Variants in LAMA1 observed in about 807,000 individuals in gnomAD.
The protein encoded by LAMA1 is laminin subunit alpha 1.
LAMA1 carries 219 observed loss-of-function variants against 348.7 expected under a neutral mutation model. The ratio of observed to expected loss-of-function variants is 0.63; its 90% CI spans 0.56 to 0.70. The LOEUF (loss-of-function observed/expected upper bound fraction) is 0.70, where lower values mean the gene tolerates loss of function less well. LAMA1 is among the 30% of genes least tolerant of loss of function. The probability of loss-of-function intolerance (pLI) is 0.00; values close to 1 mark genes in which losing one functional copy is unlikely to be tolerated. For synonymous variants in LAMA1, 1,487 were observed against 1,491.0 expected, an observed-to-expected ratio of 1.00 and a Z score of 0.06; for missense variants, 3,744 against 3,888.0, an observed-to-expected ratio of 0.96 and a Z score of 0.99.
At chr18:7,116,276 C>T (rs975391881) in intron 1 of LAMA1, among the ~76,000 whole-genome samples, 1 of 152,252 alleles carries the variant, frequency 6.6e-6, no homozygotes. Context: ...TCTTTCTCTA[C>T]CCTGTGGGAA....
intron 1 of LAMA1, among the ~76,000 whole-genome samples, chr18:7,096,770 A>C (rs1378994533): frequency 6.6e-6 from 1 of 152,230 alleles, no homozygotes; most frequent in Non-Finnish European, 1.5e-5. Flanking sequence ...ACCCAAAAAA[A>C]TTATGTAAGT....
chr18:6,963,699 G>A (rs2057619260), intron 51 of LAMA1, among the ~76,000 whole-genome samples: 1 of 152,150 alleles, frequency 6.6e-6, no homozygotes, highest in South Asian at 2.1e-4. Flanking sequence ...GACATCTAAT[G>A]ACCCCACTCC....
chr18:7,059,315 C>A (rs1051580774), intron 3 of LAMA1, among the ~76,000 whole-genome samples: 5 of 152,176 alleles, frequency 3.3e-5, no homozygotes, highest in Admixed American at 2.0e-4. Flanking sequence ...ATTGATGATG[C>A]AGGGGTTCTC....
At chr18:7,032,942 G>T in intron 15 of LAMA1, 42 bp downstream of exon 15, 3 of 1,441,038 alleles carry the variant, frequency 2.1e-6, no homozygotes, top group Non-Finnish European at 2.9e-6. Flanking sequence ...TTTCCCCTTA[G>T]GAAGGAACGA....
chr18:7,095,555 C>T (rs996861923), intron 1 of LAMA1, among the ~76,000 whole-genome samples: 1 of 152,196 alleles, frequency 6.6e-6, no homozygotes, highest in Non-Finnish European at 1.5e-5. Context: ...GTTTAAGGGC[C>T]TCATTGGTTT....
intron 8 of LAMA1, 80 bp from the exon 9 acceptor site, chr18:7,042,330 G>T: frequency 1.2e-6 from 1 of 843,150 alleles, no homozygotes; most frequent in Non-Finnish European, 2.0e-6. Flanking sequence ...GAAGGTATTG[G>T]CTTTTTACTC....
chr18:6,985,838 A>G, intron 37 of LAMA1, among the ~76,000 whole-genome samples, 195 bp from the exon 38 acceptor site: 1 of 152,138 alleles, frequency 6.6e-6, no homozygotes, highest in Admixed American at 6.5e-5. Context: ...GGCTCACTAC[A>G]ACCTCCATCT....
chr18:7,018,487 T>TCC (rs2057899958), intron 19 of LAMA1, among the ~76,000 whole-genome samples: 1 of 150,414 alleles, frequency 6.6e-6, no homozygotes, highest in Non-Finnish European at 1.5e-5. Context: ...GCTCCGCCTT[T>TCC]CGGGTTCATG....
chr18:6,984,971 ATG>A (rs2057727667), intron 39 of LAMA1, among the ~76,000 whole-genome samples: 1 of 152,194 alleles, frequency 6.6e-6, no homozygotes. Context: ...GTAGCATAAT[ATG>A]TGTTTTATTA....
At chr18:6,996,034 TA>T (rs1259250345) in intron 33 of LAMA1, among the ~76,000 whole-genome samples, 1 of 152,176 alleles carries the variant, frequency 6.6e-6, no homozygotes, top group Non-Finnish European at 1.5e-5. Context: ...ATATTTGTCT[TA>T]TTTGATATAT....
At chr18:7,112,641 ATT>A (rs34638671) in intron 1 of LAMA1, among the ~76,000 whole-genome samples, 16,633 of 144,958 alleles carry the variant, frequency 0.11, 2,408 homozygotes, top group African/African-American at 0.35. Flanking sequence ...ATATATATAC[ATT>A]TTTTTTTTTT....
At chr18:7,036,212 G>A in intron 12 of LAMA1, 124 bp from the exon 13 acceptor site, 1 of 728,220 alleles carries the variant, frequency 1.4e-6, no homozygotes, top group East Asian at 2.6e-5. Context: ...CCTTGACCAT[G>A]ACAGACAAGG....
Position 6,995,393 on chromosome 18 carries a change from T to G in LAMA1, c.4860A>C (p.Glu1620Asp). The G allele has an allele frequency of 6.2e-7, 1 of 1,613,646 alleles. No individual in the cohort carries two copies. The highest frequency in any genetic ancestry group is 8.5e-7 in the Non-Finnish European group (1 of 1,179,512). Residue 1620 changes from glutamate to aspartate, a missense_variant, in exon 34 of 63, where the codon GAA becomes GAC. By Grantham distance (45) the Glu-to-Asp change is conservative (BLOSUM62 2). This residue lies in a region of LAMA1 where 1,983 missense variants were observed against 1,934.3 expected (regional missense o/e 1.03). Transcript: ENST00000389658. ...MQKDLGKIKLEGVAEETDNLQ... is the reference protein window; with the variant it reads ...MQKDLGKIKLDGVAEETDNLQ... ...GGTTGTCCGTTTCTTCTGCAACACC[T>G]TCAAGCTTAATTTTTCCCAGGTCCT...
rs551987415 is a variant in LAMA1 at position 6,983,239 on chromosome 18, C to T, written c.5661-5G>A. 1 of 1,614,132 alleles carries T rather than the reference C, an allele frequency of 6.2e-7. No individual in the cohort carries two copies. Among genetic ancestry groups the T allele is most frequent in the African/African-American group, 1.3e-5 (1 of 75,028 alleles). ...TTTCTGATGTTTTCAAGGCCACTAT[C>T]AAAGCAGCATATTTAGATACGTTAT... is the stretch of plus-strand genomic sequence containing the variant. On this transcript the variant is annotated splice_polypyrimidine_tract_variant and splice_region_variant and intron_variant, in intron 39 of 62. Transcript: ENST00000389658.
At chr18:7,079,818 A>G (rs2058185456) in intron 3 of LAMA1, 157 bp downstream of exon 3, 2 of 660,870 alleles carry the variant, frequency 3.0e-6, no homozygotes, top group Non-Finnish European at 5.5e-6. Flanking sequence ...AAATGGCACC[A>G]GGGACTCCTT....
Position 7,100,016 on chromosome 18 carries a change from G to A in LAMA1, c.61+17644C>T, listed in dbSNP as rs567822429. Among the ~76,000 whole-genome samples the A allele has an allele frequency of 2.2e-4, 29 of 129,310 alleles. 1 individual carries two copies. The Admixed American group carries it at 2.5e-3, about 11-fold the overall frequency. The allele number at this position is 129,310 out of a possible 152,430, so 84.8% of individuals were successfully genotyped here. ...GGAGCTTGCAGTGAGCCGAGATCGCGCCACTGCATTCCAGCCTGGGCAACA... is the reference window on the plus strand; with the variant it reads ...GGAGCTTGCAGTGAGCCGAGATCGCACCACTGCATTCCAGCCTGGGCAACA... On this transcript the variant is annotated intron_variant, in intron 1 of 62. Coordinates refer to ENST00000389658, the MANE Select transcript of LAMA1 (RefSeq NM_005559.4).
At chr18:7,086,798 G>C (rs771404079) in intron 1 of LAMA1, among the ~76,000 whole-genome samples, 1 of 152,068 alleles carries the variant, frequency 6.6e-6, no homozygotes, top group East Asian at 1.9e-4. Context: ...TGTGTCTTTG[G>C]GCAAGTCAAA....
intron 13 of LAMA1, 137 bp downstream of exon 13, chr18:7,035,850 G>T: frequency 1.4e-6 from 1 of 719,026 alleles, no homozygotes; most frequent in Non-Finnish European, 2.5e-6. Flanking sequence ...TAGTCCCCAC[G>T]CAAGTCCAGG....
At chr18:6,960,292 T>C (rs2057600753) in intron 53 of LAMA1, 1 of 154,006 alleles carries the variant, frequency 6.5e-6, no homozygotes, top group South Asian at 2.0e-4. Context: ...ATGAAGTAAC[T>C]GATGAACACA....
Sources: allele counts gnomAD v4.1 joint callset (sites outside exome capture counted in the v4.1 genomes callset), GRCh38; gene constraint gnomAD v4.1.1; regional missense constraint gnomAD v4.1.1; transcripts MANE v1.5; gene names NCBI Gene and HGNC (gene_info 2026-07-23, HGNC 2026-07-21).